Variants in EPSTI1 observed in about 807,000 individuals in gnomAD.
EPSTI1 encodes epithelial stromal interaction 1, also known as epithelial-stromal interaction protein 1.
EPSTI1 carries 66 observed loss-of-function variants against 49.9 expected under a neutral mutation model. The ratio of observed to expected loss-of-function variants is 1.32; its 90% CI spans 1.08 to 1.62. EPSTI1 has a LOEUF of 1.62. Ranked by LOEUF, EPSTI1 falls within the 40% of genes most tolerant of loss-of-function variation. The pLI, the probability that EPSTI1 is intolerant of heterozygous loss-of-function variation, is 0.00. For missense variants in EPSTI1, 394 were observed against 365.5 expected, an observed-to-expected ratio of 1.08 and a Z score of -0.64; for synonymous variants, 137 against 130.7, an observed-to-expected ratio of 1.05 and a Z score of -0.33.
intron 8 of EPSTI1, among the ~76,000 whole-genome samples, chr13:42,910,211 G>T (rs1289085212): frequency 1.5e-5 from 2 of 133,600 alleles, no homozygotes; most frequent in Non-Finnish European, 3.3e-5. Flanking sequence ...AGTTTTGCTT[G>T]TATTTGAGAA....
intron 7 of EPSTI1, among the ~76,000 whole-genome samples, chr13:42,918,911 C>G (rs775869644): frequency 6.6e-6 from 1 of 151,420 alleles, no homozygotes; most frequent in Non-Finnish European, 1.5e-5. Flanking sequence ...CACAAATATT[C>G]CATATAAGAC....
chr13:42,921,497 C>T (rs749486854), intron 7 of EPSTI1, among the ~76,000 whole-genome samples: 62 of 152,110 alleles, frequency 4.1e-4, no homozygotes, highest in Admixed American at 2.4e-3. Context: ...GTAATATGCT[C>T]CACCAAAACA....
Position 42,926,397 on chromosome 13 carries a change from G to C in EPSTI1, c.596C>G (p.Thr199Arg). The C allele has an allele frequency of 6.2e-7, 1 of 1,613,696 alleles. No individual in the cohort carries two copies. The highest frequency in any genetic ancestry group is 1.3e-5 in the African/African-American group (1 of 75,030). The change falls in exon 7 of 11, where the codon ACA becomes AGA. Residue 199 changes from threonine (T) to arginine (R), a missense_variant. Thr to Arg is a moderately conservative substitution (Grantham distance 71). Coordinates refer to ENST00000313624, the MANE Select transcript of EPSTI1 (RefSeq NM_033255.5). ...KTAEFLSKLN[T>R]ESPDRSACQS... The stretch of plus-strand genomic sequence containing the variant: ...ACAGGCACTTCTGTCTGGCGATTCT[G>C]TGTTCAGTTTGCTCAAGAACTCAGC...
At chr13:42,904,263 G>GA (rs1335972034) in intron 8 of EPSTI1, among the ~76,000 whole-genome samples, 1 of 151,936 alleles carries the variant, frequency 6.6e-6, no homozygotes, top group Non-Finnish European at 1.5e-5. Context: ...AACCAATAAG[G>GA]AAAAAACAAC....
chr13:42,914,333 A>G (rs890558712), intron 8 of EPSTI1, among the ~76,000 whole-genome samples: 4 of 152,302 alleles, frequency 2.6e-5, no homozygotes, highest in Admixed American at 6.5e-5. Flanking sequence ...AAGGCTCAGT[A>G]TATAATAGGA....
chr13:42,915,424 T>C (rs1214549853), intron 8 of EPSTI1, among the ~76,000 whole-genome samples: 4 of 152,086 alleles, frequency 2.6e-5, no homozygotes, highest in Admixed American at 2.6e-4. Flanking sequence ...TCCCAGCTAC[T>C]TGGGGGCTGA....
At chr13:42,966,690 G>C (rs1422086288) in intron 3 of EPSTI1, among the ~76,000 whole-genome samples, 2 of 83,278 alleles carry the variant, frequency 2.4e-5, no homozygotes, top group African/African-American at 3.7e-5. Context: ...CGGGAGGGAG[G>C]TGGGGGGGTC....
At chr13:42,980,707 G>T (rs904123650) in intron 1 of EPSTI1, among the ~76,000 whole-genome samples, 1 of 152,092 alleles carries the variant, frequency 6.6e-6, no homozygotes, top group Non-Finnish European at 1.5e-5. Flanking sequence ...CATGGCCCTA[G>T]GTTTTCTACT....
intron 1 of EPSTI1, among the ~76,000 whole-genome samples, chr13:42,982,246 C>T (rs2039998755): frequency 6.6e-6 from 1 of 152,142 alleles, no homozygotes; most frequent in African/African-American, 2.4e-5. Context: ...TCTGGTTTTC[C>T]TCAAAGCTAC....
At position 42,922,012 on chromosome 13, in the gene EPSTI1, A is replaced by C. The variant is rs1163719721; in HGVS notation, c.657+4324T>G. 6.6e-6 allele frequency among the ~76,000 whole-genome samples: 1 copy of C among 152,214 alleles called. No individual in the cohort carries two copies. Among genetic ancestry groups the C allele is most frequent in the African/African-American group, 2.4e-5 (1 of 41,464 alleles). ...AGGAAACTAAGAAAACGCTAAAATAAAATGTTTAAAGAGTTGTACAGAAGA... is the reference window on the plus strand; with the variant it reads ...AGGAAACTAAGAAAACGCTAAAATACAATGTTTAAAGAGTTGTACAGAAGA... On this transcript the variant is annotated intron_variant, in intron 7 of 10. Coordinates refer to ENST00000313624, the MANE Select transcript of EPSTI1 (RefSeq NM_033255.5). The surrounding 1 kb of genome is among the most constrained non-coding windows in gnomAD (Gnocchi z 4.8).
Position 42,900,292 on chromosome 13 carries a change from T to C in EPSTI1, c.815+18A>G. On this transcript the variant is annotated intron_variant, in intron 9 of 10. Coordinates refer to ENST00000313624, the MANE Select transcript of EPSTI1 (RefSeq NM_033255.5). The stretch of plus-strand genomic sequence containing the variant: ...AATTGATTTAACCAAGGATGCTTAT[T>C]TTATTAGCCAGTTTTACCTCCTGTG... 1.2e-6 allele frequency: 2 copies of C among 1,610,658 alleles called. No homozygotes were observed. Among genetic ancestry groups the C allele is most frequent in the Non-Finnish European group, 1.7e-6 (2 of 1,177,194 alleles).
chr13:42,984,803 A>C (rs1194233962), intron 1 of EPSTI1, among the ~76,000 whole-genome samples: 1 of 152,226 alleles, frequency 6.6e-6, no homozygotes, highest in Admixed American at 6.5e-5. Flanking sequence ...AAGCATAACA[A>C]ACTGGTGGGA....
chr13:42,986,763 A>C (rs9567088), intron 1 of EPSTI1, among the ~76,000 whole-genome samples: 33,453 of 142,624 alleles, frequency 0.23, 4,990 homozygotes, highest in Middle Eastern at 0.36. Flanking sequence ...AAAAAAAAAA[A>C]AAAAAAAACA....
At chr13:42,965,349 G>A (rs779463116) in intron 3 of EPSTI1, among the ~76,000 whole-genome samples, 3 of 152,152 alleles carry the variant, frequency 2.0e-5, no homozygotes, top group Middle Eastern at 3.4e-3. Context: ...ACACATACCT[G>A]ACTAACCCTA....
At chr13:42,956,724 A>C (rs910691487) in intron 5 of EPSTI1, among the ~76,000 whole-genome samples, 1 of 152,236 alleles carries the variant, frequency 6.6e-6, no homozygotes, top group Non-Finnish European at 1.5e-5. Flanking sequence ...CTGGACAGGA[A>C]AGGGGCATTC....
At chr13:42,898,854 A>C (rs917664947) in intron 9 of EPSTI1, among the ~76,000 whole-genome samples, 5 of 152,244 alleles carry the variant, frequency 3.3e-5, no homozygotes, top group African/African-American at 1.2e-4. Context: ...TACTACTAGC[A>C]ATCAGTTTAT....
chr13:42,958,869 A>T (rs2039356822), intron 5 of EPSTI1, among the ~76,000 whole-genome samples: 1 of 152,218 alleles, frequency 6.6e-6, no homozygotes, highest in Admixed American at 6.5e-5. Flanking sequence ...TGGCAAAAGA[A>T]AAAACAAAAG....
intron 4 of EPSTI1, chr13:42,963,587 T>C (rs906387057): frequency 7.8e-6 from 4 of 514,120 alleles, no homozygotes; most frequent in African/African-American, 7.8e-5. Flanking sequence ...TCTTTGTCTA[T>C]CTCTGTCTCT....
rs1007086655 is a variant in EPSTI1, at chr13:42,922,843, C to T, written c.657+3493G>A. 6.6e-6 allele frequency among the ~76,000 whole-genome samples: 1 copy of T among 152,100 alleles called. No homozygotes were observed. The highest frequency in any genetic ancestry group is 1.5e-5 in the Non-Finnish European group (1 of 68,026). On this transcript the variant is annotated intron_variant, in intron 7 of 10. Transcript: ENST00000313624. The surrounding 1 kb of genome is among the most constrained non-coding windows in gnomAD (Gnocchi z 4.8). ...AGAGGCATGAGCTATAGAGCTTGGC[C>T]CCTCAGACATTAACGTGCACACACA... is the stretch of plus-strand genomic sequence containing the variant.
Sources: gnomAD v4.1 joint callset for allele counts (sites outside exome capture counted in the v4.1 genomes callset) on GRCh38, gnomAD v4.1.1 for gene constraint, Gnocchi (gnomAD v3.1) non-coding constraint, MANE v1.5 for transcripts, NCBI Gene and HGNC (gene_info 2026-07-23, HGNC 2026-07-21) for gene names.